GREB1L: variants seen among roughly 807,000 people sequenced by gnomAD.
GREB1L encodes the protein GREB1-like protein.
A neutral mutation model predicts 200.8 loss-of-function variants in GREB1L; 17 were observed. The observed-to-expected ratio is 0.08, with a 90% CI of 0.06 to 0.13. The LOEUF (loss-of-function observed/expected upper bound fraction) is 0.13. GREB1L is among the 10% of genes least tolerant of loss of function. GREB1L has a pLI of 1.00. For missense variants in GREB1L, 1,657 were observed against 2,367.7 expected (o/e 0.70, Z 6.23); for synonymous variants, 789 against 893.0 (o/e 0.88, Z 2.08).
chr18:21,333,096 G>T (rs567774642), intron 1 of GREB1L, among the ~76,000 whole-genome samples: 1 of 151,502 alleles, frequency 6.6e-6, no homozygotes, highest in South Asian at 2.1e-4. Context: ...ACACACACGC[G>T]CGCGCGCGCG....
chr18:21,435,852 A>T (rs1439810011), intron 7 of GREB1L, among the ~76,000 whole-genome samples: 1 of 152,156 alleles, frequency 6.6e-6, no homozygotes, highest in Non-Finnish European at 1.5e-5. Context: ...CTTGAGCTAG[A>T]TCATTTTGGC....
intron 8 of GREB1L, among the ~76,000 whole-genome samples, chr18:21,439,993 C>T (rs1383276896): frequency 1.3e-5 from 2 of 152,198 alleles, no homozygotes; most frequent in Admixed American, 1.3e-4. Flanking sequence ...ATTTGCCCTA[C>T]AACTCCACAA....
chr18:21,300,093 AAG>A (rs2038594785), intron 1 of GREB1L, among the ~76,000 whole-genome samples: 1 of 152,198 alleles, frequency 6.6e-6, no homozygotes, highest in Non-Finnish European at 1.5e-5. Context: ...TAACATTTAT[AAG>A]AGAACAGAAA....
chr18:21,455,342 ACG>A (rs1491155167), intron 15 of GREB1L, among the ~76,000 whole-genome samples: 1 of 149,440 alleles, frequency 6.7e-6, no homozygotes, highest in African/African-American at 2.5e-5. Flanking sequence ...ACACACACAC[ACG>A]CAGATTTTAG....
At chr18:21,372,850 G>A (rs1292768335) in intron 2 of GREB1L, among the ~76,000 whole-genome samples, 1 of 152,168 alleles carries the variant, frequency 6.6e-6, no homozygotes, top group African/African-American at 2.4e-5. Context: ...GAACCTGGGA[G>A]GTGGAGGTGG....
intron 7 of GREB1L, among the ~76,000 whole-genome samples, chr18:21,423,310 C>G (rs1047577865): frequency 2.0e-5 from 3 of 152,088 alleles, no homozygotes; most frequent in African/African-American, 7.2e-5. Flanking sequence ...GCATTTTTTC[C>G]TATAAACTCT....
intron 7 of GREB1L, among the ~76,000 whole-genome samples, chr18:21,409,464 A>G (rs1222336406): frequency 6.6e-6 from 1 of 152,230 alleles, no homozygotes; most frequent in Non-Finnish European, 1.5e-5. Flanking sequence ...ATGGTTACAC[A>G]ACTTGGTAAG....
chr18:21,356,214 C>T (rs2039501778), intron 1 of GREB1L, among the ~76,000 whole-genome samples: 1 of 151,684 alleles, frequency 6.6e-6, no homozygotes, highest in Non-Finnish European at 1.5e-5. Flanking sequence ...AACTCCTGAC[C>T]TCAGGTGAGC....
At chr18:21,462,089 T>C (rs1396495848) in intron 15 of GREB1L, among the ~76,000 whole-genome samples, 1 of 152,230 alleles carries the variant, frequency 6.6e-6, no homozygotes, top group African/African-American at 2.4e-5. Context: ...GGTGCTCCTA[T>C]GTTCCCACTC....
At chr18:21,417,756 G>A (rs2031777674) in intron 7 of GREB1L, among the ~76,000 whole-genome samples, 1 of 151,932 alleles carries the variant, frequency 6.6e-6, no homozygotes. Context: ...CTTTGGGGCC[G>A]AGGCGGGTGG....
chr18:21,479,412 C>T (rs912960800), intron 17 of GREB1L, among the ~76,000 whole-genome samples: 7 of 152,124 alleles, frequency 4.6e-5, no homozygotes, highest in Non-Finnish European at 7.3e-5. Context: ...GGCACAGTGG[C>T]TCACACCTGT....
At chr18:21,376,727 T>G (rs1402760883) in intron 2 of GREB1L, among the ~76,000 whole-genome samples, 1 of 143,740 alleles carries the variant, frequency 7.0e-6, no homozygotes, top group African/African-American at 2.6e-5. Context: ...GTGGTGTGAA[T>G]CCGGGAGGCG....
chr18:21,472,946 G>A, intron 15 of GREB1L, 85 bp from the exon 16 acceptor site: 2 of 921,506 alleles, frequency 2.2e-6, no homozygotes, highest in Non-Finnish European at 3.1e-6. Flanking sequence ...CCCAGTGTCA[G>A]CTGACAATGA....
At chr18:21,461,344 A>C (rs1442664081) in intron 15 of GREB1L, among the ~76,000 whole-genome samples, 2 of 151,866 alleles carry the variant, frequency 1.3e-5, no homozygotes, top group African/African-American at 4.8e-5. Flanking sequence ...ATCAGTGTCA[A>C]CCTGCCCCAC....
intron 1 of GREB1L, among the ~76,000 whole-genome samples, chr18:21,359,818 T>C (rs1007215873): frequency 3.3e-5 from 5 of 152,254 alleles, no homozygotes; most frequent in East Asian, 1.9e-4. Context: ...GTTATGGTTG[T>C]TTTCATGAAG....
chr18:21,385,681 C>T (rs919670557), intron 4 of GREB1L, among the ~76,000 whole-genome samples: 11 of 152,114 alleles, frequency 7.2e-5, no homozygotes, highest in African/African-American at 1.9e-4. Context: ...ACTTGCTTTA[C>T]GTCCATCTTC....
In GREB1L at chr18:21,490,258, C is replaced by T. The variant is rs1012887577; in HGVS notation, c.2937C>T (p.Arg979=). The T allele has an allele frequency of 2.4e-5, 38 of 1,551,564 alleles. No individual in the cohort carries two copies. Among genetic ancestry groups the T allele is most frequent in the Middle Eastern group, 1.7e-4 (1 of 6,016 alleles). The change falls in exon 19 of 33, where the codon CGC becomes CGT. Residue 979 remains arginine, a synonymous_variant. Transcript: ENST00000424526. ...CCAAGGAGCGGCTACAGGAGGTGCGCGACAAACTGGGTCTGCAGTATCGGT... is the reference window on the plus strand; with the variant it reads ...CCAAGGAGCGGCTACAGGAGGTGCGTGACAAACTGGGTCTGCAGTATCGGT... ...MLAKERLQEV[R]DKLGLQYRFE...
At chr18:21,276,768 G>A (rs1242300254) in intron 1 of GREB1L, among the ~76,000 whole-genome samples, 3 of 151,912 alleles carry the variant, frequency 2.0e-5, no homozygotes, top group Non-Finnish European at 2.9e-5. Flanking sequence ...GGAAGAAAGG[G>A]AAGAAGGAAG....
rs187921305 is a variant in GREB1L, at chr18:21,449,711, C to T, written c.1595C>T (p.Ala532Val). Residue 532 changes from alanine to valine, a missense_variant, in exon 12 of 33, where the codon GCG (alanine) becomes GTG (valine). By Grantham distance (64) the Ala-to-Val change is moderately conservative (BLOSUM62 0). Transcript: ENST00000424526. The stretch of plus-strand genomic sequence containing the variant: ...GTGGTTGTGACCCAGAACTCTTTGG[C>T]GGAGGGCATTTCAGAGACCTTAAGG... ...VHVVVTQNSL[A>V]EGISETLRTL... The T allele has an allele frequency of 3.6e-5, 56 of 1,551,540 alleles. No individual in the cohort carries two copies. The highest frequency in any genetic ancestry group is 4.5e-5 in the Non-Finnish European group (52 of 1,146,938).
Sources: gnomAD v4.1 joint callset for allele counts (sites outside exome capture counted in the v4.1 genomes callset) on GRCh38, gnomAD v4.1.1 for gene constraint, MANE v1.5 for transcripts, NCBI Gene and HGNC (gene_info 2026-07-23, HGNC 2026-07-21) for gene names.